ARMH1: variants seen among roughly 807,000 people sequenced by gnomAD.
ARMH1 encodes armadillo like helical domain containing 1.
A neutral mutation model predicts 50.2 loss-of-function variants in ARMH1; 34 were observed. The observed-to-expected ratio is 0.68, with a 90% confidence interval of 0.51 to 0.90. ARMH1 has a LOEUF of 0.90. Among genes scored for constraint, ARMH1 ranks in the 40% least tolerant of loss-of-function variants. The pLI is 0.00. For synonymous variants in ARMH1, 221 were observed against 224.2 expected, an observed-to-expected ratio of 0.99 and a Z score of 0.13; for missense variants, 538 against 553.9, an observed-to-expected ratio of 0.97 and a Z score of 0.29.
intron 4 of ARMH1, 37 bp from the exon 5 acceptor site, chr1:44,700,886 C>A (rs1261976123): frequency 6.7e-7 from 1 of 1,481,890 alleles, no homozygotes; most frequent in South Asian, 1.3e-5. Context: ...TTTCATAAAT[C>A]CCTTCCAATT....
At chr1:44,693,982 A>G (rs1015127998) in intron 2 of ARMH1, among the ~76,000 whole-genome samples, 2 of 151,946 alleles carry the variant, frequency 1.3e-5, no homozygotes, top group African/African-American at 2.4e-5. Flanking sequence ...TCCCACTCCA[A>G]TCCCCCACTT....
chr1:44,696,971 C>T (rs1645847318), intron 2 of ARMH1, 131 bp from the exon 3 acceptor site: 1 of 654,502 alleles, frequency 1.5e-6, no homozygotes, highest in African/African-American at 1.8e-5. Flanking sequence ...CTGGTAGCTC[C>T]TCTCAGGGTA....
Position 44,704,185 on chromosome 1 carries a change from C to T in ARMH1, c.724+12C>T. ...AGTCCAGTATGAAGGTAGGGAGCCT[C>T]CAGATTGCAGAAGGGGGCACCGAGA... On this transcript the variant is annotated intron_variant, in intron 6 of 11. Transcript: ENST00000535358. The T allele has an allele frequency of 6.5e-7, 1 of 1,547,850 alleles. No homozygotes were observed. The highest frequency in any genetic ancestry group is 2.4e-5 in the East Asian group (1 of 40,884).
At chr1:44,690,046 T>G in intron 2 of ARMH1, 143 bp downstream of exon 2, 1 of 703,738 alleles carries the variant, frequency 1.4e-6, no homozygotes. Flanking sequence ...GGTGAAACCC[T>G]GTCTCTACTA....
At position 44,687,915 on chromosome 1, in the gene ARMH1, G is replaced by C. The variant is rs1253312933; in HGVS notation, c.-22-1761G>C. On this transcript the variant is annotated intron_variant, in intron 1 of 11. Coordinates refer to ENST00000535358, the MANE Select transcript of ARMH1 (RefSeq NM_001145636.2). ...GCCTTTGGCGTCCTGGAATCGCTGG[G>C]TGCATCTCTAATGGCACATTGAGTT... 2.0e-5 allele frequency among the ~76,000 whole-genome samples: 3 copies of C among 152,162 alleles called. No homozygotes were observed. The East Asian group carries it at 5.8e-4, about 29-fold the overall frequency.
At chr1:44,703,508 A>C (rs1429128727) in intron 5 of ARMH1, among the ~76,000 whole-genome samples, 7 of 149,028 alleles carry the variant, frequency 4.7e-5, no homozygotes, top group East Asian at 2.1e-4. Context: ...GGATCACTTG[A>C]GGTCAAGAAC....
chr1:44,725,566 G>C lies in ARMH1; in HGVS notation c.*163G>C. 2.9e-6 allele frequency: 2 copies of C among 683,666 alleles called. No individual in the cohort carries two copies. The highest frequency in any genetic ancestry group is 5.1e-6 in the Non-Finnish European group (2 of 395,402). The allele number at this position is 683,666 out of a possible 1,614,324, so 42.3% of individuals were successfully genotyped here. A position where few individuals can be genotyped will look rare whatever the true frequency, so the allele number is the denominator to read the frequency against. On this transcript the variant is annotated 3_prime_UTR_variant, in exon 12 of 12. Transcript: ENST00000535358. ...GAGGAAGAGCCGCTGGCTGCGAAGA[G>C]TCAATAAACAGCCTTGATACCTGTC...
At position 44,685,354 on chromosome 1, in the gene ARMH1, G is replaced by A. The variant is rs190382335; in HGVS notation, c.-22-4322G>A. 1.5e-3 allele frequency among the ~76,000 whole-genome samples: 231 copies of A among 151,754 alleles called. 1 individual carries two copies. The highest frequency in any genetic ancestry group is 5.3e-3 in the African/African-American group (220 of 41,390). On this transcript the variant is annotated intron_variant, in intron 1 of 11. Transcript: ENST00000535358. ...GACAGGGTCTTGCTGTGTTGCCCAGGCTGGAGTGCAGTGGCGGGATCATAG... is the reference window on the plus strand; with the variant it reads ...GACAGGGTCTTGCTGTGTTGCCCAGACTGGAGTGCAGTGGCGGGATCATAG...
chr1:44,716,927 T>C (rs1226603682), intron 6 of ARMH1, among the ~76,000 whole-genome samples: 1 of 151,818 alleles, frequency 6.6e-6, no homozygotes, highest in Admixed American at 6.6e-5. Flanking sequence ...CTCGGCTCAT[T>C]GCAACCTCTG....
intron 1 of ARMH1, among the ~76,000 whole-genome samples, chr1:44,678,974 A>C (rs1034930739): frequency 6.6e-6 from 1 of 152,196 alleles, no homozygotes; most frequent in Non-Finnish European, 1.5e-5. Flanking sequence ...TGGCCACTAT[A>C]GAAATGATTT....
At chr1:44,705,749 G>T (rs77332939) in intron 6 of ARMH1, among the ~76,000 whole-genome samples, 1 of 152,134 alleles carries the variant, frequency 6.6e-6, no homozygotes, top group Non-Finnish European at 1.5e-5. Flanking sequence ...ATATTTAAAC[G>T]ATATAATTTC....
intron 6 of ARMH1, among the ~76,000 whole-genome samples, chr1:44,710,074 C>A (rs572337531): frequency 6.6e-6 from 1 of 152,158 alleles, no homozygotes; most frequent in Non-Finnish European, 1.5e-5. Flanking sequence ...TGTAGCTGAG[C>A]GAACTCTCGC....
intron 6 of ARMH1, among the ~76,000 whole-genome samples, chr1:44,708,224 G>A (rs1311641134): frequency 6.6e-6 from 1 of 152,182 alleles, no homozygotes; most frequent in African/African-American, 2.4e-5. Context: ...TGACCGGAGA[G>A]GATTAGAGAG....
In ARMH1 at chr1:44,704,193, C is replaced by T; in HGVS notation, c.724+20C>T. The T allele has an allele frequency of 6.5e-7, 1 of 1,529,496 alleles. No homozygotes were observed. The highest frequency in any genetic ancestry group is 8.9e-7 in the Non-Finnish European group (1 of 1,127,066). The allele number at this position is 1,529,496 out of a possible 1,614,324, so 94.7% of individuals were successfully genotyped here. On this transcript the variant is annotated intron_variant, in intron 6 of 11. Transcript: ENST00000535358. ...ATGAAGGTAGGGAGCCTCCAGATTGCAGAAGGGGGCACCGAGAGCCAGACA... is the reference window on the plus strand; with the variant it reads ...ATGAAGGTAGGGAGCCTCCAGATTGTAGAAGGGGGCACCGAGAGCCAGACA...
At position 44,724,364 on chromosome 1, in the gene ARMH1, C is replaced by T. The variant is rs972428940; in HGVS notation, c.892C>T (p.Gln298Ter). The change falls in exon 8 of 12, where the codon CAG (glutamine) becomes TAG (stop). Residue 298 changes from glutamine (Q) to a stop codon, truncating the protein, a stop_gained. Transcript: ENST00000535358. LOFTEE classifies it high-confidence loss of function. The surrounding 1 kb of genome is among the most constrained non-coding windows in gnomAD (Gnocchi z 6.4). ...QLTPSLPMFL[Q>*]QAAAAKAIGV... is the part of the protein sequence containing the mutation. ...CACCCCCAGCCTGCCGATGTTTTTG[C>T]AGCAGGCCGCGGCCGCCAAGGCCAT... The T allele has an allele frequency of 4.5e-6, 7 of 1,551,268 alleles. No homozygotes were observed. In the Admixed American group the frequency reaches 5.9e-5, roughly 13 times the overall value.
At chr1:44,688,825 C>T (rs1004021754) in intron 1 of ARMH1, among the ~76,000 whole-genome samples, 3 of 152,170 alleles carry the variant, frequency 2.0e-5, no homozygotes, top group Admixed American at 2.0e-4. Flanking sequence ...ACACAGACTC[C>T]TACAAACCAC....
In ARMH1 at chr1:44,681,120, G is replaced by A. The variant is rs1019433321; in HGVS notation, c.-23+6247G>A. Among the ~76,000 whole-genome samples, 8 of 147,606 alleles carry A rather than the reference G, an allele frequency of 5.4e-5. No individual in the cohort carries two copies. The highest frequency in any genetic ancestry group is 7.5e-5 in the African/African-American group (3 of 39,760). ...CGCCATTCTCCTGCCTCAGCCTCCC[G>A]AGTAGCTGGGACTGCAGGCGTCCAC... is the stretch of plus-strand genomic sequence containing the variant. On this transcript the variant is annotated intron_variant, in intron 1 of 11. Coordinates refer to ENST00000535358, the MANE Select transcript of ARMH1 (RefSeq NM_001145636.2). The surrounding 1 kb of genome is among the most constrained non-coding windows in gnomAD (Gnocchi z 4.3).
At chr1:44,699,403 G>A (rs966993708) in intron 4 of ARMH1, among the ~76,000 whole-genome samples, 9 of 151,952 alleles carry the variant, frequency 5.9e-5, no homozygotes, top group Admixed American at 6.6e-5. Flanking sequence ...TATAATCCCT[G>A]TCCTCAGACA....
chr1:44,716,953 A>G (rs911975089), intron 6 of ARMH1, among the ~76,000 whole-genome samples: 1 of 150,728 alleles, frequency 6.6e-6, no homozygotes, highest in East Asian at 2.0e-4. Flanking sequence ...CAGGTAAAAG[A>G]TATTCTCCTG....
Sources: gnomAD v4.1 joint callset for allele counts (sites outside exome capture counted in the v4.1 genomes callset) on GRCh38, gnomAD v4.1.1 for gene constraint, Gnocchi (gnomAD v3.1) non-coding constraint, MANE v1.5 for transcripts, NCBI Gene and HGNC (gene_info 2026-07-23, HGNC 2026-07-21) for gene names.